The following FAT4 variants were observed in gnomAD, a reference collection of about 807,000 sequenced individuals.
FAT4 encodes the protein FAT atypical cadherin 4.
FAT4 carries 84 observed loss-of-function variants against 303.9 expected under a neutral mutation model. The observed-to-expected ratio is 0.28, with a 90% confidence interval of 0.23 to 0.33. FAT4 has a LOEUF of 0.33. Among genes scored for constraint, FAT4 ranks in the 10% least tolerant of loss-of-function variants. The pLI is 1.00. For missense variants in FAT4, 6,005 were observed against 6,146.8 expected (o/e 0.98, Z 0.77); for synonymous variants, 2,307 against 2,298.8 (o/e 1.00, Z -0.10).
intron 16 of FAT4, among the ~76,000 whole-genome samples, chr4:125,481,954 T>C (rs1206235744): frequency 1.3e-5 from 2 of 152,236 alleles, no homozygotes; most frequent in Admixed American, 6.5e-5. Context: ...CACTTTTGTG[T>C]TGCTTTAGAG....
In FAT4 at chr4:125,468,526, C is replaced by T. The variant is rs776196417; in HGVS notation, c.11920C>T (p.His3974Tyr). Reference protein sequence around the residue: ...CHCPFGVFGKHCELNSYGFEE... With the variant: ...CHCPFGVFGKYCELNSYGFEE... ...CCCTCCAACAGGTGTCTTTGGAAAA[C>T]ACTGCGAGTTGAACAGTTATGGATT... The change falls in exon 12 of 18, where the codon CAC (histidine) becomes TAC (tyrosine). Residue 3974 changes from histidine (H) to tyrosine (Y), a missense_variant. Physicochemically the swap from His to Tyr is moderately conservative, Grantham distance 83. Coordinates refer to ENST00000394329, the MANE Select transcript of FAT4 (RefSeq NM_001291303.3). 9 of 1,547,506 alleles carry T rather than the reference C, an allele frequency of 5.8e-6. No homozygotes were observed. Among genetic ancestry groups the T allele is most frequent in the African/African-American group, 5.4e-5 (4 of 73,626 alleles).
At chr4:125,373,888 A>G (rs765075399) in intron 2 of FAT4, among the ~76,000 whole-genome samples, 2 of 152,102 alleles carry the variant, frequency 1.3e-5, no homozygotes, top group Non-Finnish European at 2.9e-5. Flanking sequence ...AATTTCAAAC[A>G]TCTAGATGAA....
chr4:125,350,108 C>A (rs1427497090), intron 2 of FAT4, among the ~76,000 whole-genome samples: 2 of 151,472 alleles, frequency 1.3e-5, no homozygotes, highest in African/African-American at 4.9e-5. Flanking sequence ...ATTATGATTT[C>A]TCTTGTGTAG....
chr4:125,477,232 A>C lies in FAT4; in HGVS notation c.12377A>C (p.His4126Pro). ...GAACCAATCCTTCAGAGAAGAGGAC[A>C]CGTGGAAAGCCATGATTTTGTTGGG... ...SLEPILQRRG[H>P]VESHDFVGCI... is the part of the protein sequence containing the mutation. Residue 4126 changes from histidine to proline, a missense_variant, in exon 14 of 18, where the codon CAC becomes CCC. Transcript: ENST00000394329. 6.4e-7 allele frequency: 1 copy of C among 1,552,028 alleles called. No homozygotes were observed. Among genetic ancestry groups the C allele is most frequent in the Non-Finnish European group, 8.7e-7 (1 of 1,145,522 alleles).
intron 5 of FAT4, among the ~76,000 whole-genome samples, chr4:125,412,613 A>C (rs971502590): frequency 2.0e-5 from 3 of 151,758 alleles, no homozygotes; most frequent in Non-Finnish European, 4.4e-5. Flanking sequence ...ACGCTATAAA[A>C]TTTTGGGATC....
intron 2 of FAT4, among the ~76,000 whole-genome samples, chr4:125,377,059 T>A (rs1000775054): frequency 3.3e-5 from 5 of 152,170 alleles, no homozygotes; most frequent in Non-Finnish European, 2.9e-5. Context: ...TGGTTGTTAT[T>A]TTCTTTGTGT....
intron 8 of FAT4, among the ~76,000 whole-genome samples, chr4:125,445,421 C>T (rs1725793846): frequency 6.6e-6 from 1 of 152,116 alleles, no homozygotes; most frequent in Admixed American, 6.6e-5. Context: ...ATGCAGCCAA[C>T]TCCAACAAGG....
chr4:125,330,466 C>G (rs1731338484), intron 2 of FAT4, among the ~76,000 whole-genome samples: 1 of 152,166 alleles, frequency 6.6e-6, no homozygotes, highest in Non-Finnish European at 1.5e-5. Context: ...GGAGCTCAAC[C>G]AATCTCATTC....
chr4:125,477,226 G>C lies in FAT4; in HGVS notation c.12371G>C (p.Arg4124Thr), dbSNP rs139237259. 1.3e-6 allele frequency: 2 copies of C among 1,543,332 alleles called. No homozygotes were observed. Among genetic ancestry groups the C allele is most frequent in the African/African-American group, 1.4e-5 (1 of 71,126 alleles). The change falls in exon 14 of 18, where the codon AGA becomes ACA. Residue 4124 changes from arginine (R) to threonine (T), a missense_variant. Coordinates refer to ENST00000394329, the MANE Select transcript of FAT4 (RefSeq NM_001291303.3). ...IRSLEPILQR[R>T]GHVESHDFVG... Reference sequence around the variant, plus strand: ...TCTCTAGAACCAATCCTTCAGAGAAGAGGACACGTGGAAAGCCATGATTTT... The same window carrying C: ...TCTCTAGAACCAATCCTTCAGAGAACAGGACACGTGGAAAGCCATGATTTT...
chr4:125,355,157 C>T (rs918993540), intron 2 of FAT4, among the ~76,000 whole-genome samples: 9 of 151,572 alleles, frequency 5.9e-5, no homozygotes, highest in African/African-American at 9.7e-5. Context: ...GTATTGACAC[C>T]GGATAGAAAA....
At chr4:125,454,287 G>T (rs1726202483) in intron 10 of FAT4, among the ~76,000 whole-genome samples, 2 of 152,314 alleles carry the variant, frequency 1.3e-5, no homozygotes, top group African/African-American at 4.8e-5. Context: ...AAAATATAGA[G>T]CAAGTTTGAA....
chr4:125,328,863 A>G (rs1731262934), intron 2 of FAT4, among the ~76,000 whole-genome samples: 1 of 152,222 alleles, frequency 6.6e-6, no homozygotes, highest in Non-Finnish European at 1.5e-5. Flanking sequence ...GTTCCAACAC[A>G]GCACTAACTA....
At chr4:125,364,634 T>C (rs79417941) in intron 2 of FAT4, among the ~76,000 whole-genome samples, 2,684 of 152,084 alleles carry the variant, frequency 0.018, 81 homozygotes, top group African/African-American at 0.062. Context: ...GGAGTCAGTT[T>C]TCTGAGCAGA....
At chr4:125,445,124 A>G (rs907047084) in intron 8 of FAT4, among the ~76,000 whole-genome samples, 1 of 152,112 alleles carries the variant, frequency 6.6e-6, no homozygotes, top group Non-Finnish European at 1.5e-5. Context: ...TGAGTGACAC[A>G]AAGTATTTTA....
chr4:125,322,700 T>C (rs1302287164), intron 2 of FAT4, among the ~76,000 whole-genome samples: 1 of 151,574 alleles, frequency 6.6e-6, no homozygotes, highest in Non-Finnish European at 1.5e-5. Context: ...GAGGTGGGGA[T>C]TTTCTTTATT....
chr4:125,471,331 G>C (rs28673500), intron 12 of FAT4, among the ~76,000 whole-genome samples: 27,141 of 152,146 alleles, frequency 0.18, 2,584 homozygotes, highest in Admixed American at 0.21. Context: ...GAAAAATGGT[G>C]CTGATAGACT....
chr4:125,360,638 G>A (rs1382164001), intron 2 of FAT4, among the ~76,000 whole-genome samples: 1 of 152,112 alleles, frequency 6.6e-6, no homozygotes, highest in African/African-American at 2.4e-5. Context: ...GACCAGCAAA[G>A]CCATAATTAC....
chr4:125,317,358 G>T lies in FAT4; in HGVS notation c.947G>T (p.Arg316Leu). ...CGGGAGCCCCTGGACTTCGAAGCTC[G>T]GCGCCAATACTCGCTTACGGTGCAG... is the stretch of plus-strand genomic sequence containing the variant. ...TVREPLDFEA[R>L]RQYSLTVQAM... The change falls in exon 2 of 18, where the codon CGG (arginine) becomes CTG (leucine). Residue 316 changes from arginine (R) to leucine (L), a missense_variant. Arg to Leu is a moderately radical substitution (Grantham distance 102, BLOSUM62 -2). Transcript: ENST00000394329. The surrounding 1 kb of genome is among the most constrained non-coding windows in gnomAD (Gnocchi z 7.0). 1.2e-6 allele frequency: 2 copies of T among 1,612,924 alleles called. No homozygotes were observed. The highest frequency in any genetic ancestry group is 1.7e-6 in the Non-Finnish European group (2 of 1,179,646).
At chr4:125,334,511 G>T (rs1230170113) in intron 2 of FAT4, among the ~76,000 whole-genome samples, 1 of 151,818 alleles carries the variant, frequency 6.6e-6, no homozygotes, top group Non-Finnish European at 1.5e-5. Flanking sequence ...AACCTTTTAG[G>T]GATCTCCTGT....
Sources: gnomAD v4.1 joint callset for allele counts (sites outside exome capture counted in the v4.1 genomes callset) on GRCh38, gnomAD v4.1.1 for gene constraint, Gnocchi (gnomAD v3.1) non-coding constraint, MANE v1.5 for transcripts, NCBI Gene and HGNC (gene_info 2026-07-23, HGNC 2026-07-21) for gene names.